DNAH6: variants seen among roughly 807,000 people sequenced by gnomAD.
The protein encoded by DNAH6 is axonemal beta dynein heavy chain 6.
A neutral mutation model predicts 491.4 loss-of-function variants in DNAH6; 340 were observed. That is an observed-to-expected ratio of 0.69 (90% CI 0.63 to 0.76). The LOEUF is 0.76. DNAH6 is among the 30% of genes least tolerant of loss of function. The probability of loss-of-function intolerance (pLI) is 0.00; values close to 1 mark genes in which losing one functional copy is unlikely to be tolerated. For missense variants in DNAH6, 4,443 were observed against 4,972.2 expected (o/e 0.89, Z 3.20); for synonymous variants, 1,603 against 1,686.1 (o/e 0.95, Z 1.21).
At chr2:84,519,185 A>G (rs1260362050) in intron 2 of DNAH6, among the ~76,000 whole-genome samples, 2 of 151,998 alleles carry the variant, frequency 1.3e-5, no homozygotes, top group Admixed American at 6.5e-5. Context: ...ACTGACAGAT[A>G]TCTGCAATTT....
the DNAH6 span, among the ~76,000 whole-genome samples, chr2:84,498,860 C>G: frequency 6.6e-6 from 1 of 152,206 alleles, no homozygotes. Context: ...TATCTTTCAT[C>G]TTCCCAATTG....
the DNAH6 span, among the ~76,000 whole-genome samples, chr2:84,480,637 C>T: frequency 6.6e-6 from 1 of 152,158 alleles, no homozygotes; most frequent in African/African-American, 2.4e-5. Flanking sequence ...AAAACTAGTG[C>T]AAGCCTTCAG....
intron 56 of DNAH6, 143 bp downstream of exon 56, chr2:84,710,555 A>T: frequency 2.6e-6 from 2 of 774,008 alleles, no homozygotes; most frequent in Non-Finnish European, 4.2e-6. Context: ...TCTTCTCCTT[A>T]AACAATACAT....
upstream of DNAH6, among the ~76,000 whole-genome samples, chr2:84,514,865 AGT>A (rs1675482200): frequency 5.8e-5 from 8 of 137,338 alleles, 1 homozygote; most frequent in Middle Eastern, 7.1e-3. Context: ...ACTTCACCAC[AGT>A]CACACACACA....
At chr2:84,474,619 G>A in the DNAH6 span, among the ~76,000 whole-genome samples, 1 of 152,134 alleles carries the variant, frequency 6.6e-6, no homozygotes. Flanking sequence ...ATCCCATTGT[G>A]TTGCAATAAG....
chr2:84,623,244 G>A (rs2104411139), intron 26 of DNAH6, among the ~76,000 whole-genome samples: 1 of 152,172 alleles, frequency 6.6e-6, no homozygotes, highest in South Asian at 2.1e-4. Context: ...TAGATCAATG[G>A]GATTGCATCA....
At chr2:84,711,826 G>C (rs1332380300) in intron 56 of DNAH6, among the ~76,000 whole-genome samples, 2 of 152,248 alleles carry the variant, frequency 1.3e-5, no homozygotes, top group Non-Finnish European at 2.9e-5. Context: ...TCACAGGAGA[G>C]AGTGAAGTCT....
intron 46 of DNAH6, 147 bp downstream of exon 46, chr2:84,694,627 A>G: frequency 1.6e-6 from 1 of 607,854 alleles, no homozygotes; most frequent in Admixed American, 3.1e-5. Flanking sequence ...AGACTTTTAT[A>G]ATACATTTTT....
At chr2:84,503,125 T>C in the DNAH6 span, among the ~76,000 whole-genome samples, 1 of 152,190 alleles carries the variant, frequency 6.6e-6, no homozygotes, top group East Asian at 1.9e-4. Flanking sequence ...GTGATATTAC[T>C]TAGTTTTGTG....
chr2:84,570,676 C>T (rs948735461), intron 11 of DNAH6, among the ~76,000 whole-genome samples: 7 of 152,048 alleles, frequency 4.6e-5, no homozygotes, highest in East Asian at 2.0e-4. Flanking sequence ...GTAAAATGGG[C>T]CCATTAGCAC....
chr2:84,505,411 T>G, the DNAH6 span, among the ~76,000 whole-genome samples: 1 of 152,202 alleles, frequency 6.6e-6, no homozygotes, highest in South Asian at 2.1e-4. Flanking sequence ...AGATCAGACA[T>G]ACTTACTTTA....
At chr2:84,569,077 A>AT (rs1473949951) in intron 11 of DNAH6, among the ~76,000 whole-genome samples, 1 of 152,244 alleles carries the variant, frequency 6.6e-6, no homozygotes, top group Non-Finnish European at 1.5e-5. Context: ...TATGCACTAG[A>AT]TTACTTACTG....
intron 10 of DNAH6, among the ~76,000 whole-genome samples, chr2:84,555,800 G>T (rs943563724): frequency 2.6e-5 from 4 of 152,106 alleles, no homozygotes; most frequent in Non-Finnish European, 5.9e-5. Flanking sequence ...AGATGCCCAA[G>T]CCAGCAATCT....
chr2:84,743,778 C>T (rs1477891586), intron 62 of DNAH6, among the ~76,000 whole-genome samples: 4 of 152,172 alleles, frequency 2.6e-5, no homozygotes, highest in South Asian at 2.1e-4. Context: ...GCCGAGAACA[C>T]GCCACTGCAC....
At chr2:84,735,738 ATTGAT>A (rs1699488663) in intron 62 of DNAH6, among the ~76,000 whole-genome samples, 2 of 152,042 alleles carry the variant, frequency 1.3e-5, no homozygotes, top group South Asian at 4.1e-4. Flanking sequence ...TTTACATTTT[ATTGAT>A]TTAAGTTCTT....
intron 62 of DNAH6, among the ~76,000 whole-genome samples, chr2:84,736,159 T>G (rs1699523643): frequency 6.6e-6 from 1 of 152,138 alleles, no homozygotes; most frequent in South Asian, 2.1e-4. Flanking sequence ...ATCAGTTGGT[T>G]GTAGGTGTGT....
chr2:84,551,226 C>G (rs956322651), intron 9 of DNAH6, among the ~76,000 whole-genome samples: 59 of 152,274 alleles, frequency 3.9e-4, no homozygotes, highest in Non-Finnish European at 7.4e-4. Flanking sequence ...TCATAGCTTT[C>G]TCTTCTCCCC....
chr2:84,760,057 CA>C (rs890392688), intron 63 of DNAH6, among the ~76,000 whole-genome samples: 72 of 152,124 alleles, frequency 4.7e-4, no homozygotes, highest in Middle Eastern at 6.8e-3. Context: ...CAAGAACATA[CA>C]ATAGGAAAAA....
At chr2:84,472,680 C>T in the DNAH6 span, among the ~76,000 whole-genome samples, 1 of 152,152 alleles carries the variant, frequency 6.6e-6, no homozygotes, top group African/African-American at 2.4e-5. Context: ...AGGCCTGCAG[C>T]TTTAAGATGG....
Sources: allele counts gnomAD v4.1 joint callset (sites outside exome capture counted in the v4.1 genomes callset), GRCh38; gene constraint gnomAD v4.1.1; transcripts MANE v1.5; gene names NCBI Gene and HGNC (gene_info 2026-07-23, HGNC 2026-07-21).